Variants in CADM2 observed in about 807,000 individuals in gnomAD.
The protein encoded by CADM2 is immunoglobulin superfamily member 4D.
In CADM2, 12 loss-of-function variants were observed where a neutral mutation model predicts 49.8. The ratio of observed to expected loss-of-function variants is 0.24; its 90% CI spans 0.15 to 0.39. The LOEUF (loss-of-function observed/expected upper bound fraction) is 0.39. CADM2 is among the 10% of genes least tolerant of loss of function. The probability of loss-of-function intolerance (pLI) is 1.00; values close to 1 mark genes in which losing one functional copy is unlikely to be tolerated. For missense variants in CADM2, 378 were observed against 492.3 expected (o/e 0.77, Z 2.20); for synonymous variants, 214 against 175.4 (o/e 1.22, Z -1.74).
intron 1 of CADM2, among the ~76,000 whole-genome samples, chr3:85,063,287 T>C (rs2036403791): frequency 6.6e-6 from 1 of 152,006 alleles, no homozygotes; most frequent in Non-Finnish European, 1.5e-5. Flanking sequence ...AACTAATAAT[T>C]TAAATTATTT....
intron 8 of CADM2, among the ~76,000 whole-genome samples, chr3:85,988,016 T>C (rs1251970132): frequency 1.3e-5 from 2 of 152,214 alleles, no homozygotes; most frequent in Non-Finnish European, 1.5e-5. Context: ...ATAAGCTTGG[T>C]GAAACACCGA....
chr3:85,354,185 C>T (rs372918452), intron 1 of CADM2, among the ~76,000 whole-genome samples: 11 of 151,736 alleles, frequency 7.2e-5, no homozygotes, highest in Admixed American at 4.6e-4. Flanking sequence ...ATTACATTAT[C>T]GTGTCTAAAT....
intron 1 of CADM2, among the ~76,000 whole-genome samples, chr3:85,367,675 T>C (rs2032886162): frequency 6.6e-6 from 1 of 152,018 alleles, no homozygotes; most frequent in African/African-American, 2.4e-5. Context: ...GTCAGCACCG[T>C]ACAGGCATAC....
At chr3:86,043,766 C>G (rs540304610) in intron 8 of CADM2, among the ~76,000 whole-genome samples, 2 of 152,158 alleles carry the variant, frequency 1.3e-5, no homozygotes, top group East Asian at 3.9e-4. Context: ...AATCCTAAGC[C>G]AAAAGAATAA....
Position 84,984,356 on chromosome 3 carries a change from T to TAAAAAA in CADM2, c.61+24712_61+24717dup, listed in dbSNP as rs375702349. Among the ~76,000 whole-genome samples the TAAAAAA allele has an allele frequency of 2.9e-3, 195 of 67,048 alleles. 15 individuals are homozygous for TAAAAAA. The highest frequency in any genetic ancestry group is 9.3e-3 in the East Asian group (11 of 1,188). The allele number at this position is 67,048 out of a possible 152,430, so 44.0% of individuals were successfully genotyped here. ...CCTCATAGCCACCTCAAGATTAAGC[T>TAAAAAA]AAAAAAAAAAAAAAAAAAAAAAAAA... On this transcript the variant is annotated intron_variant, in intron 1 of 9. Transcript: ENST00000383699.
intron 8 of CADM2, among the ~76,000 whole-genome samples, chr3:86,009,207 G>GCA (rs1335352978): frequency 1.3e-5 from 1 of 75,972 alleles, no homozygotes; most frequent in African/African-American, 9.3e-5. Context: ...ATATATATGT[G>GCA]TATGTGTGTG....
At chr3:85,867,209 G>A (rs566102480) in intron 3 of CADM2, among the ~76,000 whole-genome samples, 6 of 152,092 alleles carry the variant, frequency 3.9e-5, no homozygotes, top group South Asian at 2.1e-4. Context: ...TCTACTTGCC[G>A]TCAATCACCT....
chr3:85,830,194 CA>C (rs1326621403), intron 3 of CADM2, among the ~76,000 whole-genome samples: 2 of 151,930 alleles, frequency 1.3e-5, no homozygotes, highest in Non-Finnish European at 2.9e-5. Flanking sequence ...TATCACTTCT[CA>C]TTTTGGTAAT....
chr3:85,288,396 G>T, intron 1 of CADM2, among the ~76,000 whole-genome samples: 1 of 151,928 alleles, frequency 6.6e-6, no homozygotes, highest in Non-Finnish European at 1.5e-5. Flanking sequence ...TTTGAAATAG[G>T]TGATTTTTGT....
At chr3:85,398,031 G>T (rs2034883066) in intron 1 of CADM2, among the ~76,000 whole-genome samples, 1 of 151,776 alleles carries the variant, frequency 6.6e-6, no homozygotes, top group Admixed American at 6.6e-5. Context: ...TATACTTTAA[G>T]TTCTAGGTTA....
chr3:85,436,444 C>T (rs1302887640), intron 1 of CADM2, among the ~76,000 whole-genome samples: 2 of 151,806 alleles, frequency 1.3e-5, no homozygotes, highest in African/African-American at 4.8e-5. Context: ...CCCTGAAATA[C>T]TCTGTTGAAT....
chr3:85,617,386 G>A (rs2063828801), intron 1 of CADM2, among the ~76,000 whole-genome samples: 1 of 152,146 alleles, frequency 6.6e-6, no homozygotes, highest in African/African-American at 2.4e-5. Flanking sequence ...GCCAGATAAA[G>A]CAATACATAG....
chr3:85,442,976 T>C (rs1261991832), intron 1 of CADM2, among the ~76,000 whole-genome samples: 3 of 151,966 alleles, frequency 2.0e-5, no homozygotes, highest in Non-Finnish European at 2.9e-5. Context: ...TATACAGGTA[T>C]ACTAAAAAGT....
At chr3:84,965,210 G>C (rs987613337) in intron 1 of CADM2, among the ~76,000 whole-genome samples, 1 of 152,162 alleles carries the variant, frequency 6.6e-6, no homozygotes, top group East Asian at 1.9e-4. Flanking sequence ...CAATTCTGTT[G>C]TATCAAGAAA....
intron 1 of CADM2, among the ~76,000 whole-genome samples, chr3:85,538,912 T>A (rs62252514): frequency 6.6e-6 from 1 of 151,330 alleles, no homozygotes; most frequent in South Asian, 2.1e-4. Flanking sequence ...GAGCTATATA[T>A]AACATTGTGT....
intron 1 of CADM2, among the ~76,000 whole-genome samples, chr3:85,555,741 A>T (rs2061942049): frequency 6.6e-6 from 1 of 152,048 alleles, no homozygotes; most frequent in Non-Finnish European, 1.5e-5. Context: ...TTTTAAATCA[A>T]TTTTCTGAAG....
chr3:85,217,158 GT>G lies in CADM2; in HGVS notation c.61+257493del, dbSNP rs766582589. Among the ~76,000 whole-genome samples, 4 of 151,736 alleles carry G rather than the reference GT, an allele frequency of 2.6e-5. No homozygotes were observed. In the East Asian group the frequency reaches 5.8e-4, roughly 22 times the overall value. On this transcript the variant is annotated intron_variant, in intron 1 of 9. Transcript: ENST00000383699. ...AACAAAGTAACACACACACAAAGAT[GT>G]TTATTTACCTATGGAAATATCTTTA...
chr3:85,501,379 A>G (rs2040109325), intron 1 of CADM2, among the ~76,000 whole-genome samples: 1 of 152,094 alleles, frequency 6.6e-6, no homozygotes, highest in African/African-American at 2.4e-5. Context: ...AACCATTTTC[A>G]CCTATGCTTC....
In CADM2 at chr3:84,959,602, G is replaced by A. The variant is rs1310758976; in HGVS notation, c.-6G>A. 1 of 1,537,082 alleles carries A rather than the reference G, an allele frequency of 6.5e-7. No homozygotes were observed. Among genetic ancestry groups the A allele is most frequent in the East Asian group, 2.4e-5 (1 of 40,860 alleles). Reference sequence around the variant, plus strand: ...GTTCCTTCCCCAGCCCTTTAGAGAAGGGACCATGATTTGGAAACGCAGCGC... The same window carrying A: ...GTTCCTTCCCCAGCCCTTTAGAGAAAGGACCATGATTTGGAAACGCAGCGC... On this transcript the variant is annotated 5_prime_UTR_variant, in exon 1 of 10. Coordinates refer to ENST00000383699, the MANE Select transcript of CADM2 (RefSeq NM_001167675.2).
Sources: gnomAD v4.1 joint callset for allele counts (sites outside exome capture counted in the v4.1 genomes callset) on GRCh38, gnomAD v4.1.1 for gene constraint, MANE v1.5 for transcripts, NCBI Gene and HGNC (gene_info 2026-07-23, HGNC 2026-07-21) for gene names.